Variants in RAB27A observed in about 807,000 individuals in gnomAD.
RAB27A encodes ras-related protein Rab-27A.
RAB27A carries 17 observed loss-of-function variants against 20.8 expected under a neutral mutation model. The ratio of observed to expected loss-of-function variants is 0.82; its 90% CI spans 0.56 to 1.23. The LOEUF is 1.23. Ranked by LOEUF, RAB27A falls within the 50% of genes most tolerant of loss-of-function variation. The pLI, the probability that RAB27A is intolerant of heterozygous loss-of-function variation, is 0.00. For synonymous variants in RAB27A, 85 were observed against 92.8 expected (o/e 0.92, Z 0.48); for missense variants, 277 against 266.7 (o/e 1.04, Z -0.27).
chr15:55,249,607 G>C (rs1043533247), intron 2 of RAB27A, among the ~76,000 whole-genome samples: 32 of 152,088 alleles, frequency 2.1e-4, no homozygotes, highest in Non-Finnish European at 8.8e-5. Flanking sequence ...AATGTTCCAC[G>C]ATTATGTGAA....
At chr15:55,263,820 T>A (rs530208661) in intron 2 of RAB27A, among the ~76,000 whole-genome samples, 2 of 152,212 alleles carry the variant, frequency 1.3e-5, no homozygotes, top group Non-Finnish European at 2.9e-5. Context: ...TTTAACTCCA[T>A]GAAATGCATA....
In RAB27A at chr15:55,317,648, A is replaced by G. The variant is rs543632264; in HGVS notation, c.-234+1283T>C. On this transcript the variant is annotated intron_variant, in intron 1 of 5. Coordinates refer to the RAB27A transcript ENST00000563262. ...TAGTATTAACTTTTCTTCTCTTCTG[A>G]TTCTTGTACCAACTGCATCTTTTCT... is the stretch of plus-strand genomic sequence containing the variant. The G allele has an allele frequency of 1.3e-4, 51 of 398,494 alleles. No individual in the cohort carries two copies. The South Asian group carries it at 2.2e-3, about 17-fold the overall frequency. 24.7% of individuals were successfully genotyped at this position (398,494 alleles called of 1,614,324 possible).
At chr15:55,314,907 A>C (rs1389993176) in intron 1 of RAB27A, among the ~76,000 whole-genome samples, 1 of 152,210 alleles carries the variant, frequency 6.6e-6, no homozygotes, top group Non-Finnish European at 1.5e-5. Flanking sequence ...AATTAGAAAA[A>C]AATACTTTAA....
chr15:55,209,812 A>C (rs1177424603), intron 6 of RAB27A, among the ~76,000 whole-genome samples: 1 of 138,354 alleles, frequency 7.2e-6, no homozygotes, highest in East Asian at 2.0e-4. Flanking sequence ...ATATATACAC[A>C]CATGTGTGTA....
intron 6 of RAB27A, among the ~76,000 whole-genome samples, chr15:55,206,036 C>T (rs1894633342): frequency 6.6e-6 from 1 of 151,930 alleles, no homozygotes; most frequent in East Asian, 2.0e-4. Context: ...CATGCGGAAA[C>T]CCCATCTCTA....
chr15:55,247,039 A>C (rs1227048119), intron 2 of RAB27A, among the ~76,000 whole-genome samples: 1 of 152,234 alleles, frequency 6.6e-6, no homozygotes, highest in Middle Eastern at 3.2e-3. Flanking sequence ...ATTAAGGCTT[A>C]AACCAGGCTT....
chr15:55,258,084 A>G (rs1897147340), intron 2 of RAB27A, among the ~76,000 whole-genome samples: 1 of 151,598 alleles, frequency 6.6e-6, no homozygotes, highest in Non-Finnish European at 1.5e-5. Context: ...AAAAAAAAAA[A>G]AAGGAAACAC....
chr15:55,251,204 C>T (rs1439310513), intron 2 of RAB27A, among the ~76,000 whole-genome samples: 2 of 152,190 alleles, frequency 1.3e-5, no homozygotes, highest in Admixed American at 6.5e-5. Context: ...ATCACCTTAA[C>T]ACACTTCTTA....
intron 2 of RAB27A, among the ~76,000 whole-genome samples, chr15:55,238,760 A>C (rs1482658102): frequency 6.6e-6 from 1 of 152,196 alleles, no homozygotes; most frequent in East Asian, 1.9e-4. Context: ...ATCACTTTCA[A>C]ATAATTCTGA....
intron 2 of RAB27A, among the ~76,000 whole-genome samples, chr15:55,299,920 A>C (rs1031146711): frequency 4.0e-5 from 6 of 150,580 alleles, no homozygotes; most frequent in African/African-American, 1.5e-4. Context: ...TCCTGGGTTC[A>C]TGCCATTCTT....
upstream of RAB27A, among the ~76,000 whole-genome samples, chr15:55,293,841 C>A (rs1022617327): frequency 2.6e-5 from 4 of 151,898 alleles, no homozygotes; most frequent in African/African-American, 9.7e-5. Context: ...TGCTTGAACC[C>A]GGGAGGTGGA....
At chr15:55,304,840 T>C (rs966819480) in intron 2 of RAB27A, among the ~76,000 whole-genome samples, 1 of 152,056 alleles carries the variant, frequency 6.6e-6, no homozygotes. Flanking sequence ...AACATATATA[T>C]ATATATATAT....
At chr15:55,291,466 G>A (rs1395236425), upstream of RAB27A, among the ~76,000 whole-genome samples, 1 of 135,198 alleles carries the variant, frequency 7.4e-6, no homozygotes, top group African/African-American at 2.8e-5. Flanking sequence ...AGCCGAGATG[G>A]CGCCACTGCA....
intron 2 of RAB27A, among the ~76,000 whole-genome samples, chr15:55,313,612 G>A (rs902078099): frequency 2.0e-5 from 3 of 152,190 alleles, no homozygotes; most frequent in African/African-American, 7.2e-5. Flanking sequence ...AGTGGCTCAC[G>A]CTTGTAATCT....
At chr15:55,224,107 G>A (rs924343920) in intron 5 of RAB27A, 95 bp from the exon 6 acceptor site, 1 of 914,260 alleles carries the variant, frequency 1.1e-6, no homozygotes, top group South Asian at 1.4e-5. Flanking sequence ...AGACTATAAT[G>A]TATATATAGA....
At chr15:55,255,712 C>T (rs1566923188) in intron 2 of RAB27A, among the ~76,000 whole-genome samples, 1 of 152,120 alleles carries the variant, frequency 6.6e-6, no homozygotes, top group Non-Finnish European at 1.5e-5. Flanking sequence ...GTGCTAGCAA[C>T]TACGAATGGC....
At chr15:55,257,248 T>C (rs1897113972) in intron 2 of RAB27A, among the ~76,000 whole-genome samples, 1 of 151,984 alleles carries the variant, frequency 6.6e-6, no homozygotes, top group African/African-American at 2.4e-5. Flanking sequence ...GCATGAGAGA[T>C]CATCAAAGCC....
In RAB27A at chr15:55,267,831, G is replaced by A. The variant is rs147571766; in HGVS notation, c.-23+2334C>T. Among the ~76,000 whole-genome samples, 532 of 152,348 alleles carry A rather than the reference G, an allele frequency of 3.5e-3. 7 individuals carry two copies. The highest frequency in any genetic ancestry group is 0.012 in the African/African-American group (509 of 41,588). On this transcript the variant is annotated intron_variant, in intron 2 of 6. Transcript: ENST00000336787. The stretch of plus-strand genomic sequence containing the variant: ...TCCAGAGAGGGCGGAAGCTGAAACA[G>A]CCGCAGAGAGAGGCAGCCTAGTTGC...
At chr15:55,255,716 G>A (rs867540909) in intron 2 of RAB27A, among the ~76,000 whole-genome samples, 33 of 152,262 alleles carry the variant, frequency 2.2e-4, no homozygotes, top group Non-Finnish European at 2.5e-4. Context: ...TAGCAACTAC[G>A]AATGGCATGA....
Sources: gnomAD v4.1 joint callset for allele counts (sites outside exome capture counted in the v4.1 genomes callset) on GRCh38, gnomAD v4.1.1 for gene constraint, MANE v1.5 for transcripts, NCBI Gene and HGNC (gene_info 2026-07-23, HGNC 2026-07-21) for gene names.